The following METAP1 variants were observed in gnomAD, a reference collection of about 807,000 sequenced individuals.
The protein encoded by METAP1 is methionine aminopeptidase 1.
Under a neutral mutation model 53.8 loss-of-function variants are expected in METAP1, and 28 were observed. That is an observed-to-expected ratio of 0.52 (90% CI 0.39 to 0.71). The LOEUF is 0.71. METAP1 is among the 30% of genes least tolerant of loss of function. The pLI is 0.00. For synonymous variants in METAP1, 181 were observed against 165.7 expected (o/e 1.09, Z -0.71); for missense variants, 389 against 479.8 (o/e 0.81, Z 1.77).
intron 10 of METAP1, 48 bp from the exon 11 acceptor site, chr4:99,061,106 T>A (rs568241453): frequency 3.8e-6 from 6 of 1,580,850 alleles, no homozygotes; most frequent in Non-Finnish European, 4.3e-6. Flanking sequence ...TTGATAGAGT[T>A]CATTTAGAAA....
chr4:98,997,773 G>A (rs1200273312), intron 1 of METAP1, among the ~76,000 whole-genome samples: 1 of 152,122 alleles, frequency 6.6e-6, no homozygotes, highest in Non-Finnish European at 1.5e-5. Flanking sequence ...GATTCTGCAG[G>A]TATATTTCTG....
intron 8 of METAP1, among the ~76,000 whole-genome samples, chr4:99,047,678 A>G (rs1481325537): frequency 6.6e-6 from 1 of 152,216 alleles, no homozygotes; most frequent in African/African-American, 2.4e-5. Context: ...TGGGAATCAG[A>G]TAGGCTGAGT....
intron 4 of METAP1, among the ~76,000 whole-genome samples, 192 bp downstream of exon 4, chr4:99,035,652 C>T (rs544945490): frequency 6.6e-6 from 1 of 152,254 alleles, no homozygotes; most frequent in Admixed American, 6.5e-5. Context: ...CCTCTGAAAA[C>T]ACTATGTAGC....
intron 5 of METAP1, among the ~76,000 whole-genome samples, chr4:99,040,819 G>A (rs1199626525): frequency 6.6e-6 from 1 of 151,402 alleles, no homozygotes; most frequent in Non-Finnish European, 1.5e-5. Context: ...TTTTCACATA[G>A]AAATCAGCCA....
chr4:99,014,019 A>T (rs775842553), intron 1 of METAP1, among the ~76,000 whole-genome samples: 10 of 152,166 alleles, frequency 6.6e-5, no homozygotes, highest in Non-Finnish European at 1.0e-4. Flanking sequence ...CTTTCCGAAT[A>T]GGGTGGGGGA....
chr4:99,031,414 A>G, intron 2 of METAP1: 1 of 1,261,236 alleles, frequency 7.9e-7, no homozygotes. Flanking sequence ...AAATTAAGGT[A>G]TAAAAGCCGC....
chr4:99,035,271 G>T (rs993792524), intron 3 of METAP1, 129 bp from the exon 4 acceptor site: 18 of 653,470 alleles, frequency 2.8e-5, no homozygotes, highest in Non-Finnish European at 4.5e-5. Context: ...TAATCTTAAT[G>T]AAATATATAT....
chr4:99,005,683 A>T, intron 1 of METAP1: 1 of 305,472 alleles, frequency 3.3e-6, no homozygotes, highest in Non-Finnish European at 6.5e-6. Flanking sequence ...GTGTCAGCTG[A>T]TGAGTGGATA....
chr4:99,000,887 T>C (rs1432957561), intron 1 of METAP1, among the ~76,000 whole-genome samples: 2 of 152,072 alleles, frequency 1.3e-5, no homozygotes, highest in African/African-American at 4.8e-5. Context: ...GTGTTTTTGG[T>C]AGAGACGGGG....
Position 98,995,861 on chromosome 4 carries a change from C to G in METAP1, c.108C>G (p.Cys36Trp). 6.5e-7 allele frequency: 1 copy of G among 1,541,018 alleles called. No homozygotes were observed. The highest frequency in any genetic ancestry group is 1.2e-5 in the South Asian group (1 of 83,498). The change falls in exon 1 of 11, where the codon TGC (cysteine) becomes TGG (tryptophan). Residue 36 changes from cysteine to tryptophan, a missense_variant. By Grantham distance (215) the Cys-to-Trp change is radical. Coordinates refer to ENST00000296411, the MANE Select transcript of METAP1 (RefSeq NM_015143.3). The stretch of plus-strand genomic sequence containing the variant: ...TGGGCATCCAGGGCTCGTACTTCTG[C>G]TCGCAGGTAGGCGCCCGCTGCCCCG... ...IKLGIQGSYF[C>W]SQECFKGSWA...
At chr4:99,019,346 A>C (rs2851310) in intron 1 of METAP1, among the ~76,000 whole-genome samples, 120,810 of 152,098 alleles carry the variant, frequency 0.79, 48,601 homozygotes, top group East Asian at 0.99. Context: ...CCCCTGACTC[A>C]CGTATTCTTC....
intron 1 of METAP1, among the ~76,000 whole-genome samples, chr4:99,020,981 A>T (rs537956778): frequency 6.6e-6 from 1 of 152,292 alleles, no homozygotes; most frequent in Non-Finnish European, 1.5e-5. Context: ...TACTAGAAGT[A>T]TTCCCCATGT....
intron 1 of METAP1, among the ~76,000 whole-genome samples, chr4:99,021,415 C>A (rs1360900843): frequency 6.6e-6 from 1 of 152,148 alleles, no homozygotes; most frequent in Non-Finnish European, 1.5e-5. Flanking sequence ...TGGCTATCTC[C>A]CTGGGGCTGC....
At chr4:99,033,785 C>T (rs1725230563) in intron 2 of METAP1, among the ~76,000 whole-genome samples, 1 of 152,156 alleles carries the variant, frequency 6.6e-6, no homozygotes, top group Non-Finnish European at 1.5e-5. Context: ...TTTGGGATTA[C>T]TTGGGATCTG....
In METAP1 at chr4:99,045,941, T is replaced by C. The variant is rs111549436; in HGVS notation, c.787+631T>C. The stretch of plus-strand genomic sequence containing the variant: ...ATTCTTTTAATGGCTATGTATTATA[T>C]TCTATAGTATTACAATTTGTGTAAC... On this transcript the variant is annotated intron_variant, in intron 8 of 10. Coordinates refer to ENST00000296411, the MANE Select transcript of METAP1 (RefSeq NM_015143.3). 2.7e-3 allele frequency among the ~76,000 whole-genome samples: 411 copies of C among 152,366 alleles called. 4 individuals carry two copies. The highest frequency in any genetic ancestry group is 9.4e-3 in the African/African-American group (389 of 41,590).
In METAP1 at chr4:99,045,247, G is replaced by A; in HGVS notation, c.724G>A (p.Asp242Asn). ...LNETFFVGEV[D>N]DGARKLVQTT... The stretch of plus-strand genomic sequence containing the variant: ...TGAGACATTTTTTGTTGGAGAAGTG[G>A]ATGATGGAGCACGGAAACTTGTTCA... The change falls in exon 8 of 11, where the codon GAT (aspartate) becomes AAT (asparagine). Residue 242 changes from aspartate to asparagine, a missense_variant. Coordinates refer to ENST00000296411, the MANE Select transcript of METAP1 (RefSeq NM_015143.3). 6.2e-7 allele frequency: 1 copy of A among 1,613,816 alleles called. No individual in the cohort carries two copies. Among genetic ancestry groups the A allele is most frequent in the Admixed American group, 1.7e-5 (1 of 60,010 alleles).
In METAP1 at chr4:99,048,901, A is replaced by G. The variant is rs375357119; in HGVS notation, c.931+25A>G. Reference sequence around the variant, plus strand: ...AGTAAGTACTATCCAGAGATTTGGTATAAGCTCACCATTTATTCAACAAAT... The same window carrying G: ...AGTAAGTACTATCCAGAGATTTGGTGTAAGCTCACCATTTATTCAACAAAT... On this transcript the variant is annotated intron_variant, in intron 9 of 10. Transcript: ENST00000296411. 5.9e-5 allele frequency: 94 copies of G among 1,604,978 alleles called. No homozygotes were observed. The African/African-American group carries it at 1.0e-3, about 18-fold the overall frequency.
intron 6 of METAP1, among the ~76,000 whole-genome samples, chr4:99,042,698 T>C (rs1725963372): frequency 6.6e-6 from 1 of 152,162 alleles, no homozygotes; most frequent in Admixed American, 6.5e-5. Context: ...TTATTTTTAC[T>C]TTAACATTTT....
intron 1 of METAP1, among the ~76,000 whole-genome samples, chr4:99,014,804 A>T (rs1723663937): frequency 6.6e-6 from 1 of 152,174 alleles, no homozygotes; most frequent in Admixed American, 6.5e-5. Flanking sequence ...CCACTCAAGG[A>T]TGGCTGATGG....
Sources: gnomAD v4.1 joint callset for allele counts (sites outside exome capture counted in the v4.1 genomes callset) on GRCh38, gnomAD v4.1.1 for gene constraint, MANE v1.5 for transcripts, NCBI Gene and HGNC (gene_info 2026-07-23, HGNC 2026-07-21) for gene names.